POU6F2: variants seen among roughly 807,000 people sequenced by gnomAD.
POU6F2 encodes POU domain, class 6, transcription factor 2.
POU6F2 carries 31 observed loss-of-function variants against 71.3 expected under a neutral mutation model. The ratio of observed to expected loss-of-function variants is 0.43; its 90% CI spans 0.33 to 0.59. The LOEUF (loss-of-function observed/expected upper bound fraction) is 0.59. Ranked by LOEUF, POU6F2 falls within the 20% of genes least tolerant of loss-of-function variation. POU6F2 has a pLI of 0.04. For missense variants in POU6F2, 783 were observed against 856.8 expected, an observed-to-expected ratio of 0.91 and a Z score of 1.07; for synonymous variants, 347 against 355.7, an observed-to-expected ratio of 0.98 and a Z score of 0.27.
chr7:39,274,442 T>G (rs1583489729), intron 4 of POU6F2, among the ~76,000 whole-genome samples: 9 of 136,244 alleles, frequency 6.6e-5, no homozygotes, highest in South Asian at 2.6e-4. Flanking sequence ...CAGGACCAGA[T>G]GGATTCACAG....
chr7:39,329,562 C>A (rs1051934683), intron 4 of POU6F2, among the ~76,000 whole-genome samples: 1 of 152,144 alleles, frequency 6.6e-6, no homozygotes, highest in Non-Finnish European at 1.5e-5. Context: ...GTTTATGCCC[C>A]GTCCCCAGCT....
chr7:39,434,236 A>G lies in POU6F2; in HGVS notation c.1320+953A>G, dbSNP rs74334503. On this transcript the variant is annotated intron_variant, in intron 7 of 9. Coordinates refer to ENST00000518318, the MANE Select transcript of POU6F2 (RefSeq NM_001370959.1). ...GCACAAAGGCAGGGAAATGGGAAAGAGGATGGGGTGTTGAGAAACAGGAGA... is the reference window on the plus strand; with the variant it reads ...GCACAAAGGCAGGGAAATGGGAAAGGGGATGGGGTGTTGAGAAACAGGAGA... Among the ~76,000 whole-genome samples, 19 of 152,232 alleles carry G rather than the reference A, an allele frequency of 1.2e-4. No individual in the cohort carries two copies. The South Asian group carries it at 3.5e-3, about 28-fold the overall frequency.
intron 5 of POU6F2, among the ~76,000 whole-genome samples, chr7:39,361,093 G>T (rs1786380266): frequency 6.6e-6 from 1 of 152,168 alleles, no homozygotes; most frequent in Non-Finnish European, 1.5e-5. Context: ...CAGGCAAAAG[G>T]TTTTAATCTA....
At chr7:39,399,079 T>C (rs1257658066) in intron 5 of POU6F2, among the ~76,000 whole-genome samples, 1 of 152,204 alleles carries the variant, frequency 6.6e-6, no homozygotes, top group African/African-American at 2.4e-5. Flanking sequence ...GACACATTTC[T>C]GAGCAACTCT....
intron 5 of POU6F2, among the ~76,000 whole-genome samples, chr7:39,384,040 A>G (rs1192848427): frequency 6.6e-6 from 1 of 152,244 alleles, no homozygotes; most frequent in Non-Finnish European, 1.5e-5. Context: ...TATGTGGTAA[A>G]CAAATCATTG....
chr7:39,433,056 A>G (rs1788146058), intron 6 of POU6F2, 21 bp from the exon 7 acceptor site: 2 of 1,610,936 alleles, frequency 1.2e-6, no homozygotes, highest in Non-Finnish European at 1.7e-6. Flanking sequence ...CCAGCTCCTC[A>G]CCTTTGGCCC....
At chr7:39,270,557 G>A (rs1784322873) in intron 4 of POU6F2, among the ~76,000 whole-genome samples, 1 of 152,154 alleles carries the variant, frequency 6.6e-6, no homozygotes, top group Non-Finnish European at 1.5e-5. Flanking sequence ...CCTGCAGAGT[G>A]GAAGGTAAGG....
intron 5 of POU6F2, among the ~76,000 whole-genome samples, chr7:39,390,977 C>G (rs940387084): frequency 1.1e-4 from 17 of 152,078 alleles, no homozygotes; most frequent in African/African-American, 4.1e-4. Context: ...ACCTTTCATT[C>G]CGAGCAAACC....
chr7:39,024,301 CTGTT>C (rs1016627901), intron 1 of POU6F2, among the ~76,000 whole-genome samples: 9 of 151,740 alleles, frequency 5.9e-5, no homozygotes, highest in African/African-American at 9.7e-5. Flanking sequence ...ATTTGGCTCT[CTGTT>C]TGTCTGTTAT....
chr7:39,115,480 G>C (rs1791909673), intron 2 of POU6F2, among the ~76,000 whole-genome samples: 1 of 151,968 alleles, frequency 6.6e-6, no homozygotes, highest in African/African-American at 2.4e-5. Flanking sequence ...CTGTTCCCTG[G>C]GCCCAGTAGA....
In POU6F2 at chr7:39,112,741, C is replaced by T. The variant is rs186730066; in HGVS notation, c.277+26710C>T. ...GAATAAAAATGAAACTTGACTGGCACTCTGGAATATTAATTAGGCTTGGCT... is the reference window on the plus strand; with the variant it reads ...GAATAAAAATGAAACTTGACTGGCATTCTGGAATATTAATTAGGCTTGGCT... On this transcript the variant is annotated intron_variant, in intron 2 of 9. Coordinates refer to ENST00000518318, the MANE Select transcript of POU6F2 (RefSeq NM_001370959.1). Among the ~76,000 whole-genome samples the T allele has an allele frequency of 3.9e-4, 60 of 152,090 alleles. 1 individual carries two copies. The East Asian group carries it at 9.5e-3, about 24-fold the overall frequency.
At chr7:39,367,968 C>T (rs185914414) in intron 5 of POU6F2, among the ~76,000 whole-genome samples, 85 of 152,316 alleles carry the variant, frequency 5.6e-4, no homozygotes, top group Non-Finnish European at 1.0e-3. Flanking sequence ...ATTCTGACTG[C>T]TCCACCAGTG....
intron 5 of POU6F2, among the ~76,000 whole-genome samples, chr7:39,340,730 A>T (rs1785899977): frequency 1.7e-5 from 1 of 58,770 alleles, no homozygotes; most frequent in African/African-American, 6.7e-5. Flanking sequence ...CTACCTATTG[A>T]GAAGGAATGG....
intron 1 of POU6F2, among the ~76,000 whole-genome samples, chr7:39,080,902 G>A (rs1791106201): frequency 6.6e-6 from 1 of 152,044 alleles, no homozygotes; most frequent in Admixed American, 6.6e-5. Flanking sequence ...ATTATTGAAG[G>A]TCTTTAGCCA....
intron 2 of POU6F2, among the ~76,000 whole-genome samples, chr7:39,102,928 A>G (rs1791606111): frequency 6.6e-6 from 1 of 152,236 alleles, no homozygotes; most frequent in African/African-American, 2.4e-5. Context: ...TAGAAAACGT[A>G]CAATACAAAA....
chr7:39,392,835 T>C (rs61105243), intron 5 of POU6F2, among the ~76,000 whole-genome samples: 36,368 of 152,114 alleles, frequency 0.24, 4,816 homozygotes, highest in East Asian at 0.49. Context: ...TTACCTAGTT[T>C]CTGCTCATAA....
At chr7:39,244,319 C>T (rs1212087119) in intron 4 of POU6F2, among the ~76,000 whole-genome samples, 2 of 152,194 alleles carry the variant, frequency 1.3e-5, no homozygotes, top group Non-Finnish European at 2.9e-5. Context: ...GCAAAAACAT[C>T]TCACAACTAC....
intron 4 of POU6F2, among the ~76,000 whole-genome samples, chr7:39,280,944 G>T (rs150914086): frequency 1.3e-5 from 2 of 152,134 alleles, no homozygotes; most frequent in African/African-American, 4.8e-5. Flanking sequence ...GCCAGAAACC[G>T]GAGCACCCTC....
chr7:39,418,439 C>T (rs540590873), intron 6 of POU6F2, among the ~76,000 whole-genome samples: 1 of 152,220 alleles, frequency 6.6e-6, no homozygotes, highest in African/African-American at 2.4e-5. Flanking sequence ...CCTGTAATCC[C>T]AGCATTTTGG....
Sources: gnomAD v4.1 joint callset for allele counts (sites outside exome capture counted in the v4.1 genomes callset) on GRCh38, gnomAD v4.1.1 for gene constraint, MANE v1.5 for transcripts, NCBI Gene and HGNC (gene_info 2026-07-23, HGNC 2026-07-21) for gene names.